Variants in PLD1 observed in about 807,000 individuals in gnomAD.
PLD1 encodes the protein phospholipase D1.
Under a neutral mutation model 137.1 loss-of-function variants are expected in PLD1, and 112 were observed. That is an observed-to-expected ratio of 0.82 (90% confidence interval 0.70 to 0.96). The LOEUF is 0.96. Ranked by LOEUF, PLD1 falls within the 40% of genes least tolerant of loss-of-function variation. The pLI is 0.00. For missense variants in PLD1, 1,321 were observed against 1,342.0 expected (o/e 0.98, Z 0.24); for synonymous variants, 431 against 454.7 (o/e 0.95, Z 0.66).
chr3:171,611,444 G>T (rs377759366), intron 25 of PLD1: 1 of 363,216 alleles, frequency 2.8e-6, no homozygotes, highest in Non-Finnish European at 5.5e-6. Flanking sequence ...AACAGGGGAC[G>T]TGGACAGTTA....
Position 171,737,592 on chromosome 3 carries a change from G to A in PLD1, c.228C>T (p.Leu76=). The change falls in exon 3 of 27, where the codon CTC becomes CTT. Residue 76 remains leucine, a synonymous_variant. Transcript: ENST00000351298. ...CTTGTGCTTTTATTGGACAGCCGGA[G>A]AGATACGTCTGTATATTAGGCTCCT... The part of the protein sequence containing the change: ...GFKEPNIQTY[L]SGCPIKAQVL... The A allele has an allele frequency of 1.9e-6, 3 of 1,609,740 alleles. No homozygotes were observed. Among genetic ancestry groups the A allele is most frequent in the Non-Finnish European group, 2.6e-6 (3 of 1,176,422 alleles).
At chr3:171,630,278 G>A (rs1734545152) in intron 23 of PLD1, among the ~76,000 whole-genome samples, 1 of 151,328 alleles carries the variant, frequency 6.6e-6, no homozygotes. Context: ...CACCATCACT[G>A]GCTATCAGAG....
At chr3:171,797,639 A>T (rs1269705208) in intron 1 of PLD1, among the ~76,000 whole-genome samples, 7 of 152,232 alleles carry the variant, frequency 4.6e-5, no homozygotes, top group African/African-American at 1.7e-4. Flanking sequence ...TTAAAAAAAA[A>T]ATACTATAGC....
At chr3:171,654,689 TC>T (rs1445252437) in intron 21 of PLD1, among the ~76,000 whole-genome samples, 11 of 152,302 alleles carry the variant, frequency 7.2e-5, no homozygotes, top group African/African-American at 2.4e-4. Context: ...ATTTTTTTTC[TC>T]TCTGATCGCC....
chr3:171,686,659 GT>G (rs1347512379), intron 16 of PLD1, 25 bp downstream of exon 16: 1 of 1,156,528 alleles, frequency 8.6e-7, no homozygotes, highest in East Asian at 2.3e-5. Flanking sequence ...GCCTAAGGGA[GT>G]TCTGCCACTT....
intron 6 of PLD1, among the ~76,000 whole-genome samples, chr3:171,727,281 A>G (rs1025200683): frequency 3.3e-5 from 5 of 152,212 alleles, no homozygotes; most frequent in African/African-American, 1.2e-4. Flanking sequence ...TTAACTCAGT[A>G]TGGTTAACTC....
At chr3:171,726,487 A>C (rs1005304207) in intron 6 of PLD1, among the ~76,000 whole-genome samples, 1 of 152,198 alleles carries the variant, frequency 6.6e-6, no homozygotes, top group Non-Finnish European at 1.5e-5. Context: ...GATGGACTGG[A>C]TTTGGGCCCA....
At position 171,715,528 on chromosome 3, in the gene PLD1, G is replaced by A. The variant is rs913375432; in HGVS notation, c.759-1483C>T. On this transcript the variant is annotated intron_variant, in intron 8 of 26. Coordinates refer to ENST00000351298, the MANE Select transcript of PLD1 (RefSeq NM_002662.5). ...TGAAAATGTCATTAGTATTTTGATA[G>A]GGTTGCACTGAATCTGTAGATTGCT... Among the ~76,000 whole-genome samples the A allele has an allele frequency of 2.0e-5, 3 of 151,936 alleles. No individual in the cohort carries two copies. The South Asian group carries it at 6.2e-4, about 32-fold the overall frequency.
intron 20 of PLD1, among the ~76,000 whole-genome samples, chr3:171,659,915 T>G (rs925051272): frequency 6.6e-6 from 1 of 152,250 alleles, no homozygotes; most frequent in Non-Finnish European, 1.5e-5. Context: ...TTTTTTCCTC[T>G]AAGTACTTCT....
At chr3:171,792,451 G>A (rs1723251833) in intron 1 of PLD1, 2 of 379,530 alleles carry the variant, frequency 5.3e-6, no homozygotes, top group South Asian at 3.9e-5. Flanking sequence ...AGGGGCCCCT[G>A]GCCATCCATC....
At chr3:171,702,322 C>T (rs764040280) in intron 11 of PLD1, among the ~76,000 whole-genome samples, 8 of 151,826 alleles carry the variant, frequency 5.3e-5, no homozygotes, top group East Asian at 1.9e-4. Context: ...CCTGTCTCTA[C>T]GAAAAAATTT....
Position 171,809,006 on chromosome 3 carries a change from G to A in PLD1, c.-32+1393C>T, listed in dbSNP as rs990270190. Reference sequence around the variant, plus strand: ...CGCCTGGCTAATTTTTGTATTTTTAGTAGAGGCGGGGTTTCACCATGTTGG... The same window carrying A: ...CGCCTGGCTAATTTTTGTATTTTTAATAGAGGCGGGGTTTCACCATGTTGG... On this transcript the variant is annotated intron_variant, in intron 1 of 26. Transcript: ENST00000351298. Among the ~76,000 whole-genome samples, 9 of 151,640 alleles carry A rather than the reference G, an allele frequency of 5.9e-5. No homozygotes were observed. In the South Asian group the frequency reaches 6.2e-4, roughly 10 times the overall value.
At chr3:171,630,029 A>G (rs979013391) in intron 23 of PLD1, among the ~76,000 whole-genome samples, 6 of 152,184 alleles carry the variant, frequency 3.9e-5, no homozygotes, top group African/African-American at 1.2e-4. Context: ...TAATTAAACT[A>G]AAGAGCTTCT....
intron 23 of PLD1, among the ~76,000 whole-genome samples, chr3:171,621,691 T>C (rs1311811340): frequency 6.6e-6 from 1 of 152,204 alleles, no homozygotes; most frequent in Admixed American, 6.5e-5. Context: ...GGTATACTAG[T>C]ACACCATGTG....
At chr3:171,635,032 CT>C (rs1222073871) in intron 23 of PLD1, among the ~76,000 whole-genome samples, 1 of 152,086 alleles carries the variant, frequency 6.6e-6, no homozygotes, top group Admixed American at 6.6e-5. Context: ...AATATGTGGC[CT>C]TTTGTGCCTG....
At chr3:171,805,938 A>G (rs1005580301) in intron 1 of PLD1, among the ~76,000 whole-genome samples, 6 of 152,230 alleles carry the variant, frequency 3.9e-5, no homozygotes, top group African/African-American at 7.2e-5. Flanking sequence ...CACGTTTGGA[A>G]GCCAAGGTAG....
chr3:171,683,609 T>G (rs1281339158), intron 16 of PLD1, among the ~76,000 whole-genome samples: 1 of 152,214 alleles, frequency 6.6e-6, no homozygotes, highest in Admixed American at 6.5e-5. Flanking sequence ...AGATGTATTC[T>G]CCGATGAGCC....
intron 1 of PLD1, among the ~76,000 whole-genome samples, chr3:171,804,366 CAAAT>C (rs1284555026): frequency 6.6e-6 from 1 of 152,134 alleles, no homozygotes; most frequent in East Asian, 1.9e-4. Flanking sequence ...CACCATAGAG[CAAAT>C]AAATAAGTAA....
chr3:171,733,890 C>A (rs534261198), intron 5 of PLD1, among the ~76,000 whole-genome samples: 33 of 151,898 alleles, frequency 2.2e-4, no homozygotes, highest in Admixed American at 1.8e-3. Context: ...CTGAAAGATA[C>A]ACTACAAATT....
Sources: allele counts gnomAD v4.1 joint callset (sites outside exome capture counted in the v4.1 genomes callset), GRCh38; gene constraint gnomAD v4.1.1; transcripts MANE v1.5; gene names NCBI Gene and HGNC (gene_info 2026-07-23, HGNC 2026-07-21).